Variants in SMIM35 observed in about 807,000 individuals in gnomAD.
SMIM35 encodes the protein small integral membrane protein 35, also known as TMPRSS4 antisense RNA 1 (non-protein coding).
intron 1 of SMIM35, among the ~76,000 whole-genome samples, chr11:118,074,801 A>G (rs912439632): frequency 6.0e-5 from 9 of 149,044 alleles, no homozygotes; most frequent in Admixed American, 6.0e-4. Flanking sequence ...TTTCCCTGGC[A>G]CCTGGGAGAG....
chr11:118,065,022 T>C (rs1944449975), intron 1 of SMIM35, among the ~76,000 whole-genome samples: 1 of 152,050 alleles, frequency 6.6e-6, no homozygotes, highest in African/African-American at 2.4e-5. Flanking sequence ...TGCCCTGGAG[T>C]GATCCAGATA....
At chr11:118,073,792 C>A (rs1325226378) in intron 1 of SMIM35, among the ~76,000 whole-genome samples, 2 of 152,244 alleles carry the variant, frequency 1.3e-5, no homozygotes, top group Non-Finnish European at 2.9e-5. Flanking sequence ...CTGGGTCAGC[C>A]CTCAGCAGCG....
At chr11:118,010,382 G>A (rs550293337) in intron 4 of SMIM35, among the ~76,000 whole-genome samples, 5 of 152,010 alleles carry the variant, frequency 3.3e-5, no homozygotes, top group East Asian at 1.9e-4. Flanking sequence ...CTCCCTCTTC[G>A]CCTCCCAGCC....
intron 1 of SMIM35, among the ~76,000 whole-genome samples, chr11:118,084,372 G>T (rs1017059773): frequency 6.6e-6 from 1 of 152,236 alleles, no homozygotes; most frequent in African/African-American, 2.4e-5. Flanking sequence ...GGGCAGGAAA[G>T]CAGTAAAGGA....
intron 1 of SMIM35, among the ~76,000 whole-genome samples, chr11:118,039,227 A>G (rs950027115): frequency 4.6e-5 from 7 of 152,232 alleles, no homozygotes; most frequent in African/African-American, 1.7e-4. Flanking sequence ...TTGAGGAATT[A>G]CTGTCTCTGC....
At chr11:118,016,116 C>CG (rs2058181307) in intron 1 of SMIM35, among the ~76,000 whole-genome samples, 1 of 152,126 alleles carries the variant, frequency 6.6e-6, no homozygotes, top group Non-Finnish European at 1.5e-5. Context: ...CTACCTGTGT[C>CG]GGGGTGAGCC....
intron 1 of SMIM35, among the ~76,000 whole-genome samples, chr11:118,070,807 T>C (rs918113482): frequency 3.3e-5 from 5 of 152,318 alleles, no homozygotes; most frequent in Middle Eastern, 6.8e-3. Context: ...ACTCTGGTGC[T>C]ACAGGAACCT....
At chr11:118,025,216 G>A (rs2058265292) in intron 1 of SMIM35, among the ~76,000 whole-genome samples, 1 of 152,142 alleles carries the variant, frequency 6.6e-6, no homozygotes, top group Non-Finnish European at 1.5e-5. Context: ...TGTGAATAGT[G>A]CTGCAATGAA....
intron 1 of SMIM35, among the ~76,000 whole-genome samples, chr11:118,035,834 G>T (rs2058355541): frequency 6.6e-6 from 1 of 152,218 alleles, no homozygotes; most frequent in South Asian, 2.1e-4. Flanking sequence ...AGCACTTCTG[G>T]AACTTCTGGA....
At chr11:118,075,859 G>A (rs998730422) in intron 1 of SMIM35, among the ~76,000 whole-genome samples, 16 of 152,236 alleles carry the variant, frequency 1.1e-4, no homozygotes, top group Admixed American at 8.5e-4. Flanking sequence ...GAACAATGTG[G>A]ACAATTATCC....
chr11:118,054,156 A>ATTTTTTTT (rs1345936190), intron 1 of SMIM35, among the ~76,000 whole-genome samples: 2 of 108,230 alleles, frequency 1.8e-5, no homozygotes, highest in Non-Finnish European at 4.1e-5. Flanking sequence ...GGTTTTTGGG[A>ATTTTTTTT]TTTTTTTGTT....
intron 1 of SMIM35, among the ~76,000 whole-genome samples, chr11:118,064,529 T>C (rs1000419504): frequency 6.6e-6 from 1 of 152,146 alleles, no homozygotes; most frequent in African/African-American, 2.4e-5. Flanking sequence ...GGATATCCTC[T>C]TCCCTCAGCC....
chr11:118,038,106 G>A (rs1251335950), intron 1 of SMIM35, among the ~76,000 whole-genome samples: 2 of 152,178 alleles, frequency 1.3e-5, no homozygotes. Context: ...GCAGCTTCTA[G>A]CATGCTTTTT....
At chr11:118,034,773 T>C (rs2058346349) in intron 1 of SMIM35, among the ~76,000 whole-genome samples, 1 of 152,142 alleles carries the variant, frequency 6.6e-6, no homozygotes, top group African/African-American at 2.4e-5. Context: ...CTGCTTTCTA[T>C]ATGCACCAAG....
chr11:118,078,930 T>A (rs746288659), intron 1 of SMIM35, among the ~76,000 whole-genome samples: 10 of 152,106 alleles, frequency 6.6e-5, no homozygotes, highest in Non-Finnish European at 1.0e-4. Flanking sequence ...CTGGAAACCA[T>A]GAAGCCCCGC....
At chr11:118,024,226 A>G (rs2058255410) in intron 1 of SMIM35, among the ~76,000 whole-genome samples, 1 of 152,176 alleles carries the variant, frequency 6.6e-6, no homozygotes, top group African/African-American at 2.4e-5. Flanking sequence ...TCCTATGAGG[A>G]ATTCTGGTGC....
At chr11:118,059,476 C>T (rs1021879715) in intron 1 of SMIM35, 1 of 152,286 alleles carries the variant, frequency 6.6e-6, no homozygotes, top group East Asian at 1.9e-4. Context: ...TTACTTGGAA[C>T]ATGAGCAGCC....
At chr11:118,014,789 A>C (rs1031720262) in intron 2 of SMIM35, 48 bp from the exon 3 acceptor site, 1 of 398,758 alleles carries the variant, frequency 2.5e-6, no homozygotes, top group African/African-American at 2.1e-5. Flanking sequence ...CAGGGGAAGC[A>C]GTCCGCCACC....
intron 1 of SMIM35, among the ~76,000 whole-genome samples, chr11:118,048,946 C>CAAAAAAAAAAAA (rs57261529): frequency 0.011 from 679 of 60,428 alleles, 111 homozygotes; most frequent in African/African-American, 0.028. Context: ...TGAAGAGCTG[C>CAAAAAAAAAAAA]AAAAAAAAAA....
Sources: gnomAD v4.1 joint callset for allele counts (sites outside exome capture counted in the v4.1 genomes callset) on GRCh38, gnomAD v4.1.1 for gene constraint, MANE v1.5 for transcripts, NCBI Gene and HGNC (gene_info 2026-07-23, HGNC 2026-07-21) for gene names.